STAG1: variants seen among roughly 807,000 people sequenced by gnomAD.
STAG1 encodes cohesin subunit SA-1.
A neutral mutation model predicts 170.9 loss-of-function variants in STAG1; 26 were observed. The observed-to-expected ratio is 0.15, with a 90% CI of 0.11 to 0.21. The LOEUF (loss-of-function observed/expected upper bound fraction) is 0.21, where lower values mean the gene tolerates loss of function less well. Among genes scored for constraint, STAG1 ranks in the 10% least tolerant of loss-of-function variants. STAG1 has a pLI of 1.00. For synonymous variants in STAG1, 514 were observed against 497.7 expected (o/e 1.03, Z -0.44); for missense variants, 964 against 1,509.5 (o/e 0.64, Z 5.99).
chr3:136,410,132 G>A (rs1216400692), intron 21 of STAG1, among the ~76,000 whole-genome samples: 1 of 151,906 alleles, frequency 6.6e-6, no homozygotes, highest in Non-Finnish European at 1.5e-5. Flanking sequence ...GGGCATGGTG[G>A]CTCATGCCTG....
intron 13 of STAG1, among the ~76,000 whole-genome samples, chr3:136,458,591 G>A (rs1338893777): frequency 6.6e-6 from 1 of 152,112 alleles, no homozygotes; most frequent in African/African-American, 2.4e-5. Flanking sequence ...AAGGAAGACA[G>A]TGAGAGAGAG....
In STAG1 at chr3:136,666,834, A is replaced by C. The variant is rs572851047; in HGVS notation, c.-83-35853T>G. ...AACTCTGTCTTTAAAAAAAAAAAAAAAAACCTGTTTGATGCTAGGATTCAA... is the reference window on the plus strand; with the variant it reads ...AACTCTGTCTTTAAAAAAAAAAAAACAAACCTGTTTGATGCTAGGATTCAA... On this transcript the variant is annotated intron_variant, in intron 1 of 33. Transcript: ENST00000383202. Among the ~76,000 whole-genome samples, 20 of 152,084 alleles carry C rather than the reference A, an allele frequency of 1.3e-4. 1 individual carries two copies. The South Asian group carries it at 3.7e-3, about 28-fold the overall frequency.
chr3:136,507,883 A>C (rs1379050729), intron 7 of STAG1, among the ~76,000 whole-genome samples: 1 of 152,168 alleles, frequency 6.6e-6, no homozygotes, highest in Admixed American at 6.5e-5. Context: ...AAACAAGTGA[A>C]GACAGTGTTC....
intron 1 of STAG1, among the ~76,000 whole-genome samples, chr3:136,639,861 T>C (rs1217603216): frequency 6.6e-6 from 1 of 152,202 alleles, no homozygotes; most frequent in African/African-American, 2.4e-5. Flanking sequence ...CTTTCTATTT[T>C]CAATTTCCTT....
At chr3:136,436,000 CAGGCCAGA>C (rs111809464) in intron 15 of STAG1, among the ~76,000 whole-genome samples, 7 of 152,216 alleles carry the variant, frequency 4.6e-5, no homozygotes, top group African/African-American at 1.4e-4. Flanking sequence ...CTCCATCGCC[CAGGCCAGA>C]AGGCAATGGC....
chr3:136,445,908 G>C (rs1175789276), intron 14 of STAG1, among the ~76,000 whole-genome samples: 1 of 152,036 alleles, frequency 6.6e-6, no homozygotes, highest in Non-Finnish European at 1.5e-5. Flanking sequence ...TTTGTAAATA[G>C]CATAAAGCTA....
chr3:136,705,822 C>A (rs757301847), intron 1 of STAG1, among the ~76,000 whole-genome samples: 17 of 152,096 alleles, frequency 1.1e-4, no homozygotes, highest in Non-Finnish European at 2.1e-4. Flanking sequence ...TGAGAATGAA[C>A]TAATACAACA....
At chr3:136,338,718 T>C (rs1008284026) in intron 32 of STAG1, among the ~76,000 whole-genome samples, 1 of 152,232 alleles carries the variant, frequency 6.6e-6, no homozygotes, top group African/African-American at 2.4e-5. Flanking sequence ...TAAATAACTT[T>C]GGGCCTACAT....
At chr3:136,537,977 T>C (rs1478068641) in intron 6 of STAG1, among the ~76,000 whole-genome samples, 1 of 152,122 alleles carries the variant, frequency 6.6e-6, no homozygotes, top group African/African-American at 2.4e-5. Context: ...GAAAATCTAA[T>C]GATACAAGAA....
intron 1 of STAG1, among the ~76,000 whole-genome samples, chr3:136,747,560 G>A (rs2107958481): frequency 6.6e-6 from 1 of 152,064 alleles, no homozygotes; most frequent in Non-Finnish European, 1.5e-5. Flanking sequence ...GTAGTGGCAT[G>A]CACCTGTAGT....
intron 6 of STAG1, among the ~76,000 whole-genome samples, chr3:136,523,755 T>C (rs1318231347): frequency 6.6e-6 from 1 of 152,222 alleles, no homozygotes; most frequent in Admixed American, 6.5e-5. Flanking sequence ...TTAATTCATC[T>C]TGAATTAATT....
intron 23 of STAG1, among the ~76,000 whole-genome samples, chr3:136,371,964 G>A (rs1482633205): frequency 6.6e-5 from 10 of 152,132 alleles, no homozygotes; most frequent in Non-Finnish European, 5.9e-5. Context: ...CCATTTTCAC[G>A]ATATTGATTC....
chr3:136,425,797 TAAA>T (rs897704565), intron 16 of STAG1, among the ~76,000 whole-genome samples: 88 of 150,568 alleles, frequency 5.8e-4, no homozygotes, highest in African/African-American at 2.0e-3. Context: ...AGAAAGTAAT[TAAA>T]AAATAAGATA....
At chr3:136,500,958 A>G (rs1933433525) in intron 8 of STAG1, among the ~76,000 whole-genome samples, 1 of 152,206 alleles carries the variant, frequency 6.6e-6, no homozygotes, top group African/African-American at 2.4e-5. Flanking sequence ...GGTATCTACT[A>G]TTCTAATTTA....
intron 5 of STAG1, among the ~76,000 whole-genome samples, chr3:136,563,370 T>A (rs1936919860): frequency 6.6e-6 from 1 of 152,150 alleles, no homozygotes; most frequent in African/African-American, 2.4e-5. Flanking sequence ...TAGGATATTC[T>A]CCCTCCATCT....
At position 136,340,478 on chromosome 3, in the gene STAG1, T is replaced by C; in HGVS notation, c.3672+13A>G. On this transcript the variant is annotated intron_variant, in intron 32 of 33. Transcript: ENST00000383202. ...ATATTTTAACAAAAGAAAAATATAG[T>C]GAATTTCTCTACCAGATCAATAACC... The C allele has an allele frequency of 6.5e-7, 1 of 1,544,004 alleles. No individual in the cohort carries two copies. The highest frequency in any genetic ancestry group is 9.0e-7 in the Non-Finnish European group (1 of 1,116,024).
chr3:136,464,433 C>CA (rs112984570), intron 13 of STAG1, among the ~76,000 whole-genome samples: 27,885 of 148,288 alleles, frequency 0.19, 3,009 homozygotes, highest in Non-Finnish European at 0.24. Flanking sequence ...CAAAAAAAAA[C>CA]AAAAAAACAA....
intron 21 of STAG1, among the ~76,000 whole-genome samples, chr3:136,415,972 A>T (rs1490337945): frequency 2.0e-5 from 3 of 152,190 alleles, no homozygotes; most frequent in African/African-American, 7.2e-5. Flanking sequence ...ACATGGTTAA[A>T]AATACGTGTT....
At position 136,452,134 on chromosome 3, in the gene STAG1, G is replaced by T; in HGVS notation, c.1327C>A (p.His443Asn). 6.2e-7 allele frequency: 1 copy of T among 1,612,340 alleles called. No homozygotes were observed. Among genetic ancestry groups the T allele is most frequent in the Non-Finnish European group, 8.5e-7 (1 of 1,179,126 alleles). The change falls in exon 14 of 34, where the codon CAT becomes AAT. Residue 443 changes from histidine to asparagine, a missense_variant. Around this residue, in one of 11 missense-constraint regions of STAG1, gnomAD observed 162 missense variants for 211.2 expected, o/e 0.77. Transcript: ENST00000383202. The part of the protein sequence containing the change: ...EFLHKKLFSR[H>N]DPQAEEALAK... ...AATGCTTCTTCTGCTTGTGGGTCAT[G>T]TCTGCTAAATAGCCTGGAAATGAAA...
Sources: allele counts gnomAD v4.1 joint callset (sites outside exome capture counted in the v4.1 genomes callset), GRCh38; gene constraint gnomAD v4.1.1; regional missense constraint gnomAD v4.1.1; transcripts MANE v1.5; gene names NCBI Gene and HGNC (gene_info 2026-07-23, HGNC 2026-07-21).